The following QSOX2 variants were observed in gnomAD, a reference collection of about 807,000 sequenced individuals.
The protein encoded by QSOX2 is quiescin sulfhydryl oxidase 2, also known as sulfhydryl oxidase 2.
Under a neutral mutation model 61.7 loss-of-function variants are expected in QSOX2, and 46 were observed. That is an observed-to-expected ratio of 0.75 (90% CI 0.59 to 0.95). QSOX2 has a LOEUF of 0.95. Ranked by LOEUF, QSOX2 falls within the 40% of genes least tolerant of loss-of-function variation. The probability of loss-of-function intolerance (pLI) is 0.00; values close to 1 mark genes in which losing one functional copy is unlikely to be tolerated. For synonymous variants in QSOX2, 383 were observed against 388.4 expected, an observed-to-expected ratio of 0.99 and a Z score of 0.16; for missense variants, 879 against 918.9, an observed-to-expected ratio of 0.96 and a Z score of 0.56.
At chr9:136,210,253 C>T (rs1309432538) in intron 11 of QSOX2, 2 of 985,382 alleles carry the variant, frequency 2.0e-6, no homozygotes, top group Non-Finnish European at 2.4e-6. Context: ...CGAGGGGCCT[C>T]CCAGGAGCTT....
intron 1 of QSOX2, among the ~76,000 whole-genome samples, chr9:136,235,293 C>T (rs1159611243): frequency 6.6e-6 from 1 of 152,252 alleles, no homozygotes; most frequent in East Asian, 1.9e-4. Context: ...TCAAAGGCCA[C>T]GTCCCCACGA....
chr9:136,240,814 C>G (rs1192902065), intron 1 of QSOX2, among the ~76,000 whole-genome samples: 2 of 152,212 alleles, frequency 1.3e-5, no homozygotes, highest in African/African-American at 4.8e-5. Context: ...TTCTGGTAAA[C>G]CAAAACTACA....
chr9:136,244,040 A>C (rs1830451955), intron 1 of QSOX2, among the ~76,000 whole-genome samples: 1 of 151,916 alleles, frequency 6.6e-6, no homozygotes, highest in African/African-American at 2.4e-5. Context: ...CGATCTTTAG[A>C]CTTCAGCGAC....
intron 1 of QSOX2, among the ~76,000 whole-genome samples, chr9:136,242,987 G>T (rs1055662002): frequency 1.3e-5 from 2 of 152,208 alleles, no homozygotes; most frequent in Non-Finnish European, 2.9e-5. Context: ...AGGCCCTGAC[G>T]GCAAGGGAGG....
chr9:136,218,921 C>G, intron 7 of QSOX2, 109 bp downstream of exon 7: 20 of 1,565,740 alleles, frequency 1.3e-5, no homozygotes, highest in East Asian at 2.3e-5. Context: ...GGCTCCTGAG[C>G]GGCCCTCACT....
At chr9:136,213,202 T>C (rs1435182649) in intron 10 of QSOX2, among the ~76,000 whole-genome samples, 1 of 151,606 alleles carries the variant, frequency 6.6e-6, no homozygotes, top group African/African-American at 2.4e-5. Flanking sequence ...AAACGTGAGG[T>C]TTCCTAACTC....
chr9:136,220,972 T>C (rs1044736036), intron 6 of QSOX2, among the ~76,000 whole-genome samples: 4 of 152,226 alleles, frequency 2.6e-5, no homozygotes, highest in Non-Finnish European at 5.9e-5. Context: ...GCCTCATTTT[T>C]CTCACTGTTC....
At chr9:136,244,843 T>TA (rs539411077) in intron 1 of QSOX2, among the ~76,000 whole-genome samples, 289 of 152,302 alleles carry the variant, frequency 1.9e-3, no homozygotes, top group Non-Finnish European at 3.3e-3. Context: ...TTTGTAGAGT[T>TA]AAAAAAATTG....
chr9:136,242,193 T>C (rs547754921), intron 1 of QSOX2, among the ~76,000 whole-genome samples: 1 of 152,244 alleles, frequency 6.6e-6, no homozygotes, highest in Non-Finnish European at 1.5e-5. Context: ...CACCTTCTTA[T>C]AAGAAAAAAC....
chr9:136,214,547 C>T (rs1227745328), intron 10 of QSOX2, among the ~76,000 whole-genome samples: 1 of 152,220 alleles, frequency 6.6e-6, no homozygotes, highest in African/African-American at 2.4e-5. Flanking sequence ...AGCTCAGGGC[C>T]TTAGGCAAGC....
At position 136,216,648 on chromosome 9, in the gene QSOX2, G is replaced by C. The variant is rs1313754239; in HGVS notation, c.1161C>G (p.Asp387Glu). ...CAAGCACGGCGTTGTAGGGGATCCT[G>C]TCCAGGGGAAGGCTGGCCAGCCACT... ...LQEWLASLPL[D>E]RIPYNAVLDL... Residue 387 changes from aspartate (D) to glutamate (E), a missense_variant, in exon 9 of 12, where the codon GAC becomes GAG. By Grantham distance (45) the Asp-to-Glu change is conservative (BLOSUM62 2). Transcript: ENST00000358701. 5 of 1,613,812 alleles carry C rather than the reference G, an allele frequency of 3.1e-6. No homozygotes were observed. The highest frequency in any genetic ancestry group is 2.2e-5 in the East Asian group (1 of 44,888).
chr9:136,237,274 AGCCCGTCCTGGGCCTGCATCACCTGGT>A (rs1830393433), intron 1 of QSOX2, among the ~76,000 whole-genome samples: 1 of 136,166 alleles, frequency 7.3e-6, no homozygotes, highest in Non-Finnish European at 1.6e-5. Context: ...CGTCACCTGG[AGCCCGTCCTGGGCCTGCATCACCTGGT>A]GCCCGTCCTG....
At chr9:136,224,503 G>A (rs370940760) in intron 3 of QSOX2, among the ~76,000 whole-genome samples, 5 of 152,342 alleles carry the variant, frequency 3.3e-5, no homozygotes, top group African/African-American at 1.2e-4. Flanking sequence ...GAGCCCCCCA[G>A]GGTGTGGCCT....
Position 136,222,445 on chromosome 9 carries a change from G to A in QSOX2, c.676-504C>T, listed in dbSNP as rs1380012871. On this transcript the variant is annotated intron_variant, in intron 5 of 11. Coordinates refer to ENST00000358701, the MANE Select transcript of QSOX2 (RefSeq NM_181701.4). This position sits in a 1 kb window ranked among gnomAD's most constrained non-coding sequence, Gnocchi z 6.9. ...AGAGACCACAGGAGTGGCATCTCAG[G>A]ATTTTGGAAGAAACCCTGCGTGCGC... is the stretch of plus-strand genomic sequence containing the variant. Among the ~76,000 whole-genome samples, 1 of 152,224 alleles carries A rather than the reference G, an allele frequency of 6.6e-6. No homozygotes were observed. Among genetic ancestry groups the A allele is most frequent in the Admixed American group, 6.5e-5 (1 of 15,278 alleles).
chr9:136,208,569 T>A lies in QSOX2; in HGVS notation c.*159A>T, dbSNP rs1159822197. ...GTGTTCTTCCCTTGTTAGAAGAGCG[T>A]TTGTAAAACCAGGACTTTGAAGCCA... is the stretch of plus-strand genomic sequence containing the variant. On this transcript the variant is annotated 3_prime_UTR_variant, in exon 12 of 12. Coordinates refer to ENST00000358701, the MANE Select transcript of QSOX2 (RefSeq NM_181701.4). The A allele has an allele frequency of 1.6e-6, 1 of 611,752 alleles. No individual in the cohort carries two copies. Among genetic ancestry groups the A allele is most frequent in the South Asian group, 3.1e-5 (1 of 32,668 alleles). 37.9% of individuals were successfully genotyped at this position (611,752 alleles called of 1,614,324 possible). A position where few individuals can be genotyped will look rare whatever the true frequency, so the allele number is the denominator to read the frequency against.
chr9:136,211,553 G>A (rs1027328255), intron 10 of QSOX2, 101 bp from the exon 11 acceptor site: 152 of 1,202,652 alleles, frequency 1.3e-4, no homozygotes, highest in Non-Finnish European at 1.6e-4. Flanking sequence ...CTGACATGTC[G>A]GGAAGCCACC....
intron 2 of QSOX2, among the ~76,000 whole-genome samples, chr9:136,226,554 C>T (rs1384472866): frequency 6.7e-6 from 1 of 148,356 alleles, no homozygotes; most frequent in South Asian, 2.6e-4. Context: ...GTGGACAGTC[C>T]CACAGACACT....
chr9:136,219,294 A>C, intron 6 of QSOX2, 130 bp from the exon 7 acceptor site: 3 of 1,168,348 alleles, frequency 2.6e-6, no homozygotes, highest in Non-Finnish European at 2.3e-6. Flanking sequence ...CATGGGAGTC[A>C]GTGGGAACAG....
chr9:136,226,936 C>A, intron 1 of QSOX2, 62 bp from the exon 2 acceptor site: 1 of 1,419,592 alleles, frequency 7.0e-7, no homozygotes, highest in Non-Finnish European at 1.0e-6. Flanking sequence ...AGCCCAGGAC[C>A]CAGCAGTCCC....
Sources: gnomAD v4.1 joint callset for allele counts (sites outside exome capture counted in the v4.1 genomes callset) on GRCh38, gnomAD v4.1.1 for gene constraint, Gnocchi (gnomAD v3.1) non-coding constraint, MANE v1.5 for transcripts, NCBI Gene and HGNC (gene_info 2026-07-23, HGNC 2026-07-21) for gene names.